Variants in ZFHX2 observed in about 807,000 individuals in gnomAD.
The protein encoded by ZFHX2 is zinc finger homeobox protein 2.
A neutral mutation model predicts 164.8 loss-of-function variants in ZFHX2; 75 were observed. That is an observed-to-expected ratio of 0.46 (90% CI 0.38 to 0.55). The LOEUF (loss-of-function observed/expected upper bound fraction) is 0.55, where lower values mean the gene tolerates loss of function less well. ZFHX2 is among the 20% of genes least tolerant of loss of function. ZFHX2 has a pLI of 0.00. For synonymous variants in ZFHX2, 1,217 were observed against 1,351.4 expected, an observed-to-expected ratio of 0.90 and a Z score of 2.18; for missense variants, 2,933 against 3,308.0, an observed-to-expected ratio of 0.89 and a Z score of 2.78.
At chr14:23,527,840 G>A (rs1878951575) in intron 6 of ZFHX2, 36 bp from the exon 7 acceptor site, 1 of 1,525,442 alleles carries the variant, frequency 6.6e-7, no homozygotes, top group Non-Finnish European at 8.8e-7. Context: ...CGAAGTGTCA[G>A]GGAAGGATGG....
In ZFHX2 at chr14:23,522,257, A is replaced by C; in HGVS notation, c.7424T>G (p.Phe2475Cys). Reference protein sequence around the residue: ...PATAHQRSFCFFGRGSGGSMP... With the variant: ...PATAHQRSFCCFGRGSGGSMP... ...GGAGCCCCCAGAGCCCCGCCCAAAGAAGCAGAAGGATCTCTGGTGGGCAGT... is the reference window on the plus strand; with the variant it reads ...GGAGCCCCCAGAGCCCCGCCCAAAGCAGCAGAAGGATCTCTGGTGGGCAGT... The change falls in exon 10 of 10, where the codon TTC becomes TGC. Residue 2475 changes from phenylalanine to cysteine, a missense_variant. Phe to Cys is a radical substitution (Grantham distance 205). Transcript: ENST00000419474. The C allele has an allele frequency of 4.7e-6, 7 of 1,484,042 alleles. No individual in the cohort carries two copies. Among genetic ancestry groups the C allele is most frequent in the South Asian group, 1.3e-5 (1 of 75,380 alleles). 91.9% of individuals were successfully genotyped at this position (1,484,042 alleles called of 1,614,324 possible). A position where few individuals can be genotyped will look rare whatever the true frequency, so the allele number is the denominator to read the frequency against.
At chr14:23,540,235 C>T (rs985261414) in intron 1 of ZFHX2, among the ~76,000 whole-genome samples, 1 of 152,230 alleles carries the variant, frequency 6.6e-6, no homozygotes, top group Non-Finnish European at 1.5e-5. Flanking sequence ...AAGCAATCTG[C>T]CCGCTTTGGC....
At chr14:23,536,193 G>A (rs11846380) in intron 1 of ZFHX2, among the ~76,000 whole-genome samples, 3,363 of 152,204 alleles carry the variant, frequency 0.022, 139 homozygotes, top group African/African-American at 0.076. Flanking sequence ...ACTACTGCCC[G>A]CTACAGTGTA....
In ZFHX2 at chr14:23,525,026, A is replaced by G. The variant is rs1479204732; in HGVS notation, c.4916T>C (p.Val1639Ala). 6.5e-7 allele frequency: 1 copy of G among 1,536,120 alleles called. No homozygotes were observed. Among genetic ancestry groups the G allele is most frequent in the Non-Finnish European group, 8.7e-7 (1 of 1,146,896 alleles). ...GCGGGCATTCTGGAACCACACCACC[A>G]CCACACGGCTAGCCAGACCCAACAG... is the stretch of plus-strand genomic sequence containing the variant. ...ASLLGLASRVVVVWFQNARQK... is the reference protein window; with the variant it reads ...ASLLGLASRVAVVWFQNARQK... Residue 1639 changes from valine to alanine, a missense_variant, in exon 9 of 10, where the codon GTG becomes GCG. Coordinates refer to ENST00000419474, the MANE Select transcript of ZFHX2 (RefSeq NM_033400.3). This position sits in a 1 kb window ranked among gnomAD's most constrained non-coding sequence, Gnocchi z 5.9.
intron 3 of ZFHX2, chr14:23,532,039 G>T (rs1029984426): frequency 5.0e-6 from 1 of 198,788 alleles, no homozygotes; most frequent in Non-Finnish European, 9.9e-6. Flanking sequence ...GCCTCCCAAA[G>T]TGCCGGGACT....
chr14:23,533,065 A>T lies in ZFHX2; in HGVS notation c.2061T>A (p.Pro687=). ...FPTSAPGSLS[P]DAHLPPSQLL... ...GCTGACTTGGAGGCAGGTGGGCATC[A>T]GGGGATAGGCTTCCAGGGGCTAGAG... Residue 687 remains proline (P), a synonymous_variant, in exon 3 of 10, where the codon CCT becomes CCA. Coordinates refer to ENST00000419474, the MANE Select transcript of ZFHX2 (RefSeq NM_033400.3). This position sits in a 1 kb window ranked among gnomAD's most constrained non-coding sequence, Gnocchi z 4.8. 1 of 1,531,376 alleles carries T rather than the reference A, an allele frequency of 6.5e-7. No homozygotes were observed. Among genetic ancestry groups the T allele is most frequent in the Middle Eastern group, 1.7e-4 (1 of 5,852 alleles). 94.9% of individuals were successfully genotyped at this position (1,531,376 alleles called of 1,614,324 possible).
chr14:23,548,474 G>C lies in ZFHX2; in HGVS notation c.-50+2869C>G, dbSNP rs914203854. The C allele has an allele frequency of 1.1e-4, 17 of 152,324 alleles. 1 individual carries two copies. Among genetic ancestry groups the C allele is most frequent in the African/African-American group, 4.1e-4 (17 of 41,576 alleles). 9.4% of individuals were successfully genotyped at this position (152,324 alleles called of 1,614,324 possible). ...CTGTATGGGTCTCAAGGTAACACCAGCTGCCTCTGACATCATGGAGGGAGG... is the reference window on the plus strand; with the variant it reads ...CTGTATGGGTCTCAAGGTAACACCACCTGCCTCTGACATCATGGAGGGAGG... On this transcript the variant is annotated intron_variant, in intron 1 of 9. Transcript: ENST00000419474.
Position 23,522,265 on chromosome 14 carries a change from G to C in ZFHX2, c.7416C>G (p.Ser2472=), listed in dbSNP as rs751257436. ...CAGAGCCCCGCCCAAAGAAGCAGAA[G>C]GATCTCTGGTGGGCAGTAGCCGGGG... The part of the protein sequence containing the change: ...GEAPATAHQR[S]FCFFGRGSGG... The change falls in exon 10 of 10, where the codon TCC becomes TCG. Residue 2472 remains serine (S), a synonymous_variant. Transcript: ENST00000419474. The C allele has an allele frequency of 4.7e-6, 7 of 1,487,556 alleles. No individual in the cohort carries two copies. In the South Asian group the frequency reaches 9.2e-5, roughly 20 times the overall value. 92.1% of individuals were successfully genotyped at this position (1,487,556 alleles called of 1,614,324 possible).
intron 1 of ZFHX2, chr14:23,548,281 C>G (rs958766538): frequency 6.6e-6 from 1 of 152,348 alleles, no homozygotes; most frequent in East Asian, 1.9e-4. Flanking sequence ...CAGGCTCTAG[C>G]AAACCTCAGG....
Position 23,523,030 on chromosome 14 carries a change from G to C in ZFHX2, c.6740-89C>G, listed in dbSNP as rs762228625. On this transcript the variant is annotated intron_variant, in intron 9 of 9. Transcript: ENST00000419474. This position sits in a 1 kb window ranked among gnomAD's most constrained non-coding sequence, Gnocchi z 4.1. ...AGGCCACCTCCAGCCACACACACCC[G>C]TTCCCAGCACCGGATTTCCATGCCC... 35 of 1,411,492 alleles carry C rather than the reference G, an allele frequency of 2.5e-5. No individual in the cohort carries two copies. The South Asian group carries it at 5.6e-4, about 22-fold the overall frequency. The allele number at this position is 1,411,492 out of a possible 1,614,324, so 87.4% of individuals were successfully genotyped here.
chr14:23,531,759 G>A, intron 3 of ZFHX2, 38 bp from the exon 4 acceptor site: 1 of 1,298,020 alleles, frequency 7.7e-7, no homozygotes, highest in East Asian at 3.0e-5. Context: ...GGCCCAGAAG[G>A]GACATGCCAG....
Position 23,524,309 on chromosome 14 carries a change from T to C in ZFHX2, c.5633A>G (p.Gln1878Arg). 1 of 1,536,356 alleles carries C rather than the reference T, an allele frequency of 6.5e-7. No homozygotes were observed. The highest frequency in any genetic ancestry group is 8.7e-7 in the Non-Finnish European group (1 of 1,146,956). Residue 1878 changes from glutamine to arginine, a missense_variant, in exon 9 of 10, where the codon CAG becomes CGG. Gln to Arg is a conservative substitution (Grantham distance 43). Coordinates refer to ENST00000419474, the MANE Select transcript of ZFHX2 (RefSeq NM_033400.3). The surrounding 1 kb of genome is among the most constrained non-coding windows in gnomAD (Gnocchi z 5.6). ...QLEILYRWYM[Q>R]DSNPTRKMLD... ...CATCTTGCGTGTTGGGTTGGAATCC[T>C]GCATGTACCAACGGTACAGGATCTC...
At position 23,550,847 on chromosome 14, in the gene ZFHX2, T is replaced by C. The variant is rs529099175; in HGVS notation, c.-50+496A>G. On this transcript the variant is annotated intron_variant, in intron 1 of 9. Coordinates refer to ENST00000419474, the MANE Select transcript of ZFHX2 (RefSeq NM_033400.3). ...CCTCCCACTCCACGCCCCAGCGCGC[T>C]AGCCCATCCATCAGCCCGCCGGCCG... Among the ~76,000 whole-genome samples, 4 of 151,990 alleles carry C rather than the reference T, an allele frequency of 2.6e-5. No individual in the cohort carries two copies. In the South Asian group the frequency reaches 8.3e-4, roughly 32 times the overall value.
chr14:23,527,040 A>C, intron 7 of ZFHX2, 67 bp from the exon 8 acceptor site: 1 of 1,442,844 alleles, frequency 6.9e-7, no homozygotes, highest in South Asian at 1.5e-5. Context: ...CTCCTGACCC[A>C]TCTGCCCTAC....
chr14:23,532,598 G>C lies in ZFHX2; in HGVS notation c.2528C>G (p.Ala843Gly). The C allele has an allele frequency of 6.9e-7, 1 of 1,447,288 alleles. No individual in the cohort carries two copies. Among genetic ancestry groups the C allele is most frequent in the Non-Finnish European group, 9.1e-7 (1 of 1,103,540 alleles). The allele number at this position is 1,447,288 out of a possible 1,614,324, so 89.7% of individuals were successfully genotyped here. A position where few individuals can be genotyped will look rare whatever the true frequency, so the allele number is the denominator to read the frequency against. The change falls in exon 3 of 10, where the codon GCA becomes GGA. Residue 843 changes from alanine to glycine, a missense_variant. By Grantham distance (60) the Ala-to-Gly change is moderately conservative. Transcript: ENST00000419474. ...GATTTGGCTGTTTTCTTCGTGGGCTGCACCCCTGGCATGCAGCTGCATCTT... is the reference window on the plus strand; with the variant it reads ...GATTTGGCTGTTTTCTTCGTGGGCTCCACCCCTGGCATGCAGCTGCATCTT... ...KEKMQLHARG[A>G]AHEENSQIYK...
chr14:23,521,908 G>T lies in ZFHX2; in HGVS notation c.*54C>A. 6.5e-7 allele frequency: 1 copy of T among 1,531,172 alleles called. No individual in the cohort carries two copies. Among genetic ancestry groups the T allele is most frequent in the Non-Finnish European group, 8.7e-7 (1 of 1,145,044 alleles). The allele number at this position is 1,531,172 out of a possible 1,614,324, so 94.8% of individuals were successfully genotyped here. On this transcript the variant is annotated 3_prime_UTR_variant, in exon 10 of 10. Transcript: ENST00000419474. ...TTGAGCTCCCACCGAACACCCCTTG[G>T]GGTAAAAGAGGGAGCCCTGAGGCCC... is the stretch of plus-strand genomic sequence containing the variant.
In ZFHX2 at chr14:23,533,541, C is replaced by G. The variant is rs1290748507; in HGVS notation, c.1785G>C (p.Gln595His). 5 of 1,536,226 alleles carry G rather than the reference C, an allele frequency of 3.3e-6. No individual in the cohort carries two copies. The highest frequency in any genetic ancestry group is 2.7e-5 in the African/African-American group (2 of 73,164). Residue 595 changes from glutamine to histidine, a missense_variant, in exon 2 of 10, where the codon CAG becomes CAC. Coordinates refer to ENST00000419474, the MANE Select transcript of ZFHX2 (RefSeq NM_033400.3). This position sits in a 1 kb window ranked among gnomAD's most constrained non-coding sequence, Gnocchi z 4.8. ...RIHMTSEKHM[Q>H]NVLMLHQGLP... ...GCCCCTGGTGCAGCATTAGGACATT[C>G]TGCATGTGCTTCTCAGAGGTCATAT...
In ZFHX2 at chr14:23,524,018, G is replaced by C. The variant is rs1878382315; in HGVS notation, c.5924C>G (p.Ser1975Cys). 1 of 1,517,434 alleles carries C rather than the reference G, an allele frequency of 6.6e-7. No homozygotes were observed. The highest frequency in any genetic ancestry group is 2.5e-5 in the East Asian group (1 of 40,700). 94.0% of individuals were successfully genotyped at this position (1,517,434 alleles called of 1,614,324 possible). A position where few individuals can be genotyped will look rare whatever the true frequency, so the allele number is the denominator to read the frequency against. Residue 1975 changes from serine to cysteine, a missense_variant, in exon 9 of 10, where the codon TCT becomes TGT. Coordinates refer to ENST00000419474, the MANE Select transcript of ZFHX2 (RefSeq NM_033400.3). The surrounding 1 kb of genome is among the most constrained non-coding windows in gnomAD (Gnocchi z 5.6). ...AFPYPTATLA[S>C]GPQPFLPPGK... ...AGGTGGTAGGAAAGGCTGGGGCCCA[G>C]AAGCAAGCGTGGCAGTGGGGTAGGG...
At chr14:23,545,252 C>CA (rs1755906022) in intron 1 of ZFHX2, among the ~76,000 whole-genome samples, 1 of 152,208 alleles carries the variant, frequency 6.6e-6, no homozygotes, top group African/African-American at 2.4e-5. Flanking sequence ...CCATAAGGGT[C>CA]AAAGCCAGCA....
Sources: gnomAD v4.1 joint callset for allele counts (sites outside exome capture counted in the v4.1 genomes callset) on GRCh38, gnomAD v4.1.1 for gene constraint, Gnocchi (gnomAD v3.1) non-coding constraint, MANE v1.5 for transcripts, NCBI Gene and HGNC (gene_info 2026-07-23, HGNC 2026-07-21) for gene names.